The following RHOD variants were observed in gnomAD, a reference collection of about 807,000 sequenced individuals.
RHOD encodes rho-related GTP-binding protein RhoD.
RHOD carries 11 observed loss-of-function variants against 16.7 expected under a neutral mutation model. The observed-to-expected ratio is 0.66, with a 90% CI of 0.41 to 1.09. The LOEUF (loss-of-function observed/expected upper bound fraction) is 1.09. Ranked by LOEUF, RHOD falls within the 50% of genes least tolerant of loss-of-function variation. The pLI is 0.00. For missense variants in RHOD, 271 were observed against 291.7 expected, an observed-to-expected ratio of 0.93 and a Z score of 0.52; for synonymous variants, 124 against 126.3, an observed-to-expected ratio of 0.98 and a Z score of 0.12.
At chr11:67,061,965 C>T (rs916049243) in intron 1 of RHOD, among the ~76,000 whole-genome samples, 4 of 151,234 alleles carry the variant, frequency 2.6e-5, no homozygotes, top group Admixed American at 6.6e-5. Context: ...TGCACTACTG[C>T]GCTCCAGCCT....
At chr11:67,066,012 G>GGGGGGGGT in intron 2 of RHOD, 29 bp downstream of exon 2, 1 of 581,436 alleles carries the variant, frequency 1.7e-6, no homozygotes, top group Non-Finnish European at 3.4e-6. Context: ...GGCAGGGTGG[G>GGGGGGGGT]AGGGGCTTCT....
intron 3 of RHOD, among the ~76,000 whole-genome samples, chr11:67,068,238 C>T (rs947103507): frequency 2.6e-5 from 4 of 152,194 alleles, no homozygotes; most frequent in Admixed American, 6.6e-5. Context: ...GCAGTTCCTC[C>T]GAGCAGGCAG....
intron 1 of RHOD, among the ~76,000 whole-genome samples, chr11:67,061,389 T>G (rs1169338336): frequency 6.6e-6 from 1 of 152,050 alleles, no homozygotes; most frequent in African/African-American, 2.4e-5. Flanking sequence ...TCCCAGCACT[T>G]CGGGAGGCCG....
At chr11:67,058,981 A>G (rs1435933495) in intron 1 of RHOD, among the ~76,000 whole-genome samples, 1 of 152,132 alleles carries the variant, frequency 6.6e-6, no homozygotes, top group Admixed American at 6.5e-5. Flanking sequence ...AAGGCACCTG[A>G]TGGGCGGGGG....
intron 1 of RHOD, among the ~76,000 whole-genome samples, chr11:67,059,654 C>T (rs937253944): frequency 2.0e-5 from 3 of 152,092 alleles, no homozygotes; most frequent in African/African-American, 7.2e-5. Flanking sequence ...AAAACTGAGT[C>T]CAGAACCCAG....
chr11:67,061,512 A>C (rs1200844126), intron 1 of RHOD, among the ~76,000 whole-genome samples: 1 of 151,862 alleles, frequency 6.6e-6, no homozygotes, highest in Non-Finnish European at 1.5e-5. Flanking sequence ...CATGCCTGTA[A>C]TCCCAGTTAC....
chr11:67,060,407 G>A (rs572256990), intron 1 of RHOD, among the ~76,000 whole-genome samples: 1 of 152,216 alleles, frequency 6.6e-6, no homozygotes, highest in Non-Finnish European at 1.5e-5. Flanking sequence ...ATGGACAGAG[G>A]GTGACCCTGC....
At position 67,071,462 on chromosome 11, in the gene RHOD, G is replaced by A; in HGVS notation, c.493G>A (p.Ala165Thr). 6.2e-7 allele frequency: 1 copy of A among 1,600,386 alleles called. No homozygotes were observed. Among genetic ancestry groups the A allele is most frequent in the Non-Finnish European group, 8.5e-7 (1 of 1,174,112 alleles). The change falls in exon 5 of 5, where the codon GCG becomes ACG. Residue 165 changes from alanine to threonine, a missense_variant. By Grantham distance (58) the Ala-to-Thr change is moderately conservative (BLOSUM62 0). Transcript: ENST00000308831. ...CCAGGAGATGGCGAGGTCCGTGGGC[G>A]CGGTGGCCTACCTCGAGTGCTCGGC... ...RGQEMARSVGAVAYLECSARL... is the reference protein window; with the variant it reads ...RGQEMARSVGTVAYLECSARL...
At chr11:67,062,485 G>A (rs577078228) in intron 1 of RHOD, among the ~76,000 whole-genome samples, 2 of 152,182 alleles carry the variant, frequency 1.3e-5, no homozygotes, top group Non-Finnish European at 2.9e-5. Flanking sequence ...GTCTGTTCCT[G>A]TTGGTTCCTT....
At chr11:67,063,481 A>C (rs1471445474) in intron 1 of RHOD, among the ~76,000 whole-genome samples, 1 of 137,844 alleles carries the variant, frequency 7.3e-6, no homozygotes, top group African/African-American at 2.9e-5. Flanking sequence ...TGACAGAGTG[A>C]GACCCTATCT....
chr11:67,064,129 G>A (rs1426730687), intron 1 of RHOD, among the ~76,000 whole-genome samples: 4 of 138,028 alleles, frequency 2.9e-5, no homozygotes, highest in African/African-American at 8.1e-5. Context: ...AAAAAAGGCC[G>A]GGCGCGGTGG....
chr11:67,071,590 C>T lies in RHOD; in HGVS notation c.621C>T (p.Cys207=), dbSNP rs748057809. 4 of 1,605,476 alleles carry T rather than the reference C, an allele frequency of 2.5e-6. No individual in the cohort carries two copies. Among genetic ancestry groups the T allele is most frequent in the Non-Finnish European group, 3.4e-6 (4 of 1,175,754 alleles). Residue 207 remains cysteine, a synonymous_variant, in exon 5 of 5, where the codon TGC becomes TGT. Coordinates refer to ENST00000308831, the MANE Select transcript of RHOD (RefSeq NM_014578.4). ...GGCGGCGGATTACCCAGGGCTTTTG[C>T]GTGGTGACCTGAGCGGCTCGGGGCG... The part of the protein sequence containing the change: ...NFWRRITQGF[C]VVT
intron 3 of RHOD, 173 bp from the exon 4 acceptor site, chr11:67,070,252 C>T (rs988951294): frequency 6.8e-6 from 5 of 736,830 alleles, no homozygotes; most frequent in African/African-American, 1.7e-5. Flanking sequence ...TGGGTCCATA[C>T]GTGTAAATTC....
intron 1 of RHOD, among the ~76,000 whole-genome samples, chr11:67,059,318 T>A (rs1229032563): frequency 6.6e-6 from 1 of 152,064 alleles, no homozygotes; most frequent in Non-Finnish European, 1.5e-5. Flanking sequence ...GGTGGGTGGA[T>A]CACCTGAGGT....
rs571417388 is a variant in RHOD, at chr11:67,057,135, G to A, written c.132+101G>A. ...AGGCTGTGCGCCTAACCCGGCCTCC[G>A]AGGGGTGTCCCAGCGGGGCCTGGGG... On this transcript the variant is annotated intron_variant, in intron 1 of 4. Coordinates refer to ENST00000308831, the MANE Select transcript of RHOD (RefSeq NM_014578.4). The A allele has an allele frequency of 4.6e-6, 6 of 1,296,732 alleles. No individual in the cohort carries two copies. In the African/African-American group the frequency reaches 7.8e-5, roughly 17 times the overall value. The allele number at this position is 1,296,732 out of a possible 1,614,324, so 80.3% of individuals were successfully genotyped here. A position where few individuals can be genotyped will look rare whatever the true frequency, so the allele number is the denominator to read the frequency against.
In RHOD at chr11:67,070,535, A is replaced by C; in HGVS notation, c.441A>C (p.Gly147=). Reference sequence around the variant, plus strand: ...TGGTGAACAAGCTCCGAAGAAACGGATTGGAGCCTGTGACCTACCACAGGG... The same window carrying C: ...TGGTGAACAAGCTCCGAAGAAACGGCTTGGAGCCTGTGACCTACCACAGGG... ...KSLVNKLRRN[G]LEPVTYHRGQ... Residue 147 remains glycine, a synonymous_variant, in exon 4 of 5, where the codon GGA becomes GGC. Transcript: ENST00000308831. 1 of 1,614,104 alleles carries C rather than the reference A, an allele frequency of 6.2e-7. No individual in the cohort carries two copies.
intron 1 of RHOD, among the ~76,000 whole-genome samples, chr11:67,065,017 T>G (rs1366826715): frequency 6.6e-6 from 1 of 151,914 alleles, no homozygotes; most frequent in African/African-American, 2.4e-5. Flanking sequence ...TGCCAGGCCC[T>G]GAGCTAAGGG....
chr11:67,064,115 A>C (rs1395209905), intron 1 of RHOD, among the ~76,000 whole-genome samples: 1 of 144,814 alleles, frequency 6.9e-6, no homozygotes, highest in Non-Finnish European at 1.5e-5. Flanking sequence ...CAAAAAAAAA[A>C]AAAAAAAAAG....
chr11:67,064,277 G>A (rs1854931410), intron 1 of RHOD, among the ~76,000 whole-genome samples: 1 of 148,628 alleles, frequency 6.7e-6, no homozygotes, highest in Non-Finnish European at 1.5e-5. Context: ...GTGGTGGCGG[G>A]CGCCTGTAGT....
Sources: allele counts gnomAD v4.1 joint callset (sites outside exome capture counted in the v4.1 genomes callset), GRCh38; gene constraint gnomAD v4.1.1; transcripts MANE v1.5; gene names NCBI Gene and HGNC (gene_info 2026-07-23, HGNC 2026-07-21).